MGLL: variants seen among roughly 807,000 people sequenced by gnomAD.
MGLL encodes the protein lysophospholipase homolog.
In MGLL, 7 loss-of-function variants were observed where a neutral mutation model predicts 29.1. That is an observed-to-expected ratio of 0.24 (90% CI 0.14 to 0.45). The LOEUF is 0.45. MGLL is among the 20% of genes least tolerant of loss of function. MGLL has a pLI of 0.99. For synonymous variants in MGLL, 148 were observed against 168.3 expected, an observed-to-expected ratio of 0.88 and a Z score of 0.93; for missense variants, 356 against 413.6, an observed-to-expected ratio of 0.86 and a Z score of 1.21.
At chr3:127,710,812 C>T in intron 5 of MGLL, 147 bp from the exon 6 acceptor site, 1 of 741,754 alleles carries the variant, frequency 1.3e-6, no homozygotes, top group South Asian at 1.5e-5. Flanking sequence ...GTCCTTAAGC[C>T]TGCATGCCCA....
chr3:127,747,905 G>T (rs1463686944), intron 3 of MGLL, among the ~76,000 whole-genome samples: 3 of 152,186 alleles, frequency 2.0e-5, no homozygotes, highest in African/African-American at 7.2e-5. Flanking sequence ...GGGAAGGGGG[G>T]TCCTCCCACT....
At chr3:127,784,460 C>G (rs17203666) in intron 2 of MGLL, among the ~76,000 whole-genome samples, 1 of 152,054 alleles carries the variant, frequency 6.6e-6, no homozygotes, top group Admixed American at 6.5e-5. Context: ...CTTAGAGCAA[C>G]CTTAGGGCCA....
At chr3:127,752,477 C>A (rs909404634) in intron 3 of MGLL, among the ~76,000 whole-genome samples, 9 of 152,200 alleles carry the variant, frequency 5.9e-5, no homozygotes, top group African/African-American at 2.2e-4. Flanking sequence ...GTCTTGGAGG[C>A]CTTTCCATAG....
intron 3 of MGLL, 140 bp from the exon 4 acceptor site, chr3:127,722,706 T>C (rs2075954112): frequency 8.3e-7 from 1 of 1,204,676 alleles, no homozygotes; most frequent in South Asian, 1.3e-5. Context: ...CAGCCACTCT[T>C]GAACGTTGGA....
Position 127,822,370 on chromosome 3 carries a change from C to G in MGLL, c.-52G>C, listed in dbSNP as rs1559993107. ...CCACGACAGCCTGGAGAATCAGAAC[C>G]AGGCAAATCGGGCTGTTCCCTCATC... On this transcript the variant is annotated 5_prime_UTR_variant, in exon 1 of 8. Transcript: ENST00000265052. 2 of 1,608,130 alleles carry G rather than the reference C, an allele frequency of 1.2e-6. No individual in the cohort carries two copies. The highest frequency in any genetic ancestry group is 1.7e-6 in the Non-Finnish European group (2 of 1,174,768).
In MGLL at chr3:127,695,188, G is replaced by A. The variant is rs762698131; in HGVS notation, c.603C>T (p.Val201=). ...TCAGGGGGTCTGAGTTATAAATGTCGACCTGGAGGAAGAAGGAGAGGGTTC... is the reference window on the plus strand; with the variant it reads ...TCAGGGGGTCTGAGTTATAAATGTCAACCTGGAGGAAGAAGGAGAGGGTTC... ...SSVLSRNKTE[V]DIYNSDPLIC... The change falls in exon 7 of 8, where the codon GTC becomes GTT. Residue 201 remains valine (V), a splice_region_variant and synonymous_variant. Coordinates refer to ENST00000265052, the MANE Select transcript of MGLL (RefSeq NM_007283.7). 5.0e-5 allele frequency: 81 copies of A among 1,613,416 alleles called. 1 individual carries two copies. Among genetic ancestry groups the A allele is most frequent in the East Asian group, 4.0e-4 (18 of 44,896 alleles).
chr3:127,739,787 G>C (rs1289554559), intron 3 of MGLL, among the ~76,000 whole-genome samples: 2 of 152,222 alleles, frequency 1.3e-5, no homozygotes, highest in East Asian at 3.8e-4. Flanking sequence ...CAGTGGTACT[G>C]TGCTGCTTCT....
At chr3:127,726,334 G>GA (rs1273449385) in intron 3 of MGLL, among the ~76,000 whole-genome samples, 4 of 151,050 alleles carry the variant, frequency 2.6e-5, no homozygotes, top group African/African-American at 7.3e-5. Flanking sequence ...AAGAAAGAAA[G>GA]AGGAAAGAAA....
At chr3:127,727,281 T>C (rs563690564) in intron 3 of MGLL, among the ~76,000 whole-genome samples, 1 of 152,306 alleles carries the variant, frequency 6.6e-6, no homozygotes, top group South Asian at 2.1e-4. Flanking sequence ...GTTGGGAGTG[T>C]CCAATGCCAC....
intron 3 of MGLL, among the ~76,000 whole-genome samples, chr3:127,769,580 A>G (rs2076915596): frequency 6.6e-6 from 1 of 152,200 alleles, no homozygotes; most frequent in Admixed American, 6.5e-5. Flanking sequence ...GGAGGCTGCC[A>G]TCAGAGCTGA....
At chr3:127,780,884 G>A (rs1159519411) in intron 3 of MGLL, among the ~76,000 whole-genome samples, 6 of 152,232 alleles carry the variant, frequency 3.9e-5, no homozygotes, top group South Asian at 2.1e-4. Context: ...GGAAATCACC[G>A]TGTTCAGTCA....
rs74892721 is a variant in MGLL, at chr3:127,793,976, A to G, written c.156-12081T>C. 6.1e-3 allele frequency among the ~76,000 whole-genome samples: 927 copies of G among 152,330 alleles called. 7 individuals are homozygous for G. The highest frequency in any genetic ancestry group is 0.021 in the African/African-American group (890 of 41,560). On this transcript the variant is annotated intron_variant, in intron 2 of 7. Transcript: ENST00000265052. ...ACTTAAGACTATCGTCTATGATGTT[A>G]GACTATCTTCTATGAAGTCCGGCTG...
At chr3:127,815,275 T>A (rs1322531945) in intron 2 of MGLL, among the ~76,000 whole-genome samples, 1 of 152,192 alleles carries the variant, frequency 6.6e-6, no homozygotes, top group Admixed American at 6.5e-5. Flanking sequence ...TGCATCCTCC[T>A]TGCCACACAG....
chr3:127,758,909 T>A (rs1483256162), intron 3 of MGLL, among the ~76,000 whole-genome samples: 1 of 140,732 alleles, frequency 7.1e-6, no homozygotes, highest in Non-Finnish European at 1.5e-5. Context: ...TTTTTCTTTT[T>A]TTTTTCTTTT....
intron 3 of MGLL, chr3:127,735,889 C>T: frequency 6.4e-7 from 1 of 1,561,108 alleles, no homozygotes; most frequent in Non-Finnish European, 8.6e-7. Flanking sequence ...TTCTCCTGTT[C>T]AGCTCTGCAA....
chr3:127,810,387 C>T (rs553907975), intron 2 of MGLL, among the ~76,000 whole-genome samples: 6 of 152,322 alleles, frequency 3.9e-5, no homozygotes, highest in African/African-American at 9.6e-5. Flanking sequence ...CCATGCACTT[C>T]GGACTCCAGT....
At chr3:127,704,922 G>A (rs939964468) in intron 6 of MGLL, among the ~76,000 whole-genome samples, 3 of 152,108 alleles carry the variant, frequency 2.0e-5, no homozygotes, top group African/African-American at 7.2e-5. Flanking sequence ...ACATGCACAC[G>A]TATGTTTATT....
At chr3:127,753,334 C>T (rs532329173) in intron 3 of MGLL, among the ~76,000 whole-genome samples, 18 of 152,184 alleles carry the variant, frequency 1.2e-4, no homozygotes, top group Non-Finnish European at 2.5e-4. Flanking sequence ...GATAATGTGC[C>T]CTTTCCCTGC....
chr3:127,782,804 C>T (rs929995026), intron 2 of MGLL, among the ~76,000 whole-genome samples: 5 of 152,152 alleles, frequency 3.3e-5, no homozygotes, highest in African/African-American at 1.2e-4. Context: ...ACTATGCACC[C>T]GTTCCTCTGC....
Sources: gnomAD v4.1 joint callset for allele counts (sites outside exome capture counted in the v4.1 genomes callset) on GRCh38, gnomAD v4.1.1 for gene constraint, MANE v1.5 for transcripts, NCBI Gene and HGNC (gene_info 2026-07-23, HGNC 2026-07-21) for gene names.